FBXL13: variants seen among roughly 807,000 people sequenced by gnomAD.
The protein encoded by FBXL13 is F-box and leucine-rich repeat protein 13.
In FBXL13, 67 loss-of-function variants were observed where a neutral mutation model predicts 83.6. The ratio of observed to expected loss-of-function variants is 0.80; its 90% CI spans 0.66 to 0.98. FBXL13 has a LOEUF of 0.98. Ranked by LOEUF, FBXL13 falls within the 50% of genes least tolerant of loss-of-function variation. The pLI, the probability that FBXL13 is intolerant of heterozygous loss-of-function variation, is 0.00. For missense variants in FBXL13, 822 were observed against 866.5 expected (o/e 0.95, Z 0.64); for synonymous variants, 272 against 299.5 (o/e 0.91, Z 0.95).
In FBXL13 at chr7:103,029,420, TA is replaced by T; in HGVS notation, c.1-3del. The T allele has an allele frequency of 6.9e-7, 1 of 1,448,458 alleles. No individual in the cohort carries two copies. The highest frequency in any genetic ancestry group is 9.3e-7 in the Non-Finnish European group (1 of 1,072,552). The allele number at this position is 1,448,458 out of a possible 1,614,324, so 89.7% of individuals were successfully genotyped here. On this transcript the variant is annotated splice_region_variant and splice_polypyrimidine_tract_variant and intron_variant, in intron 2 of 19. Coordinates refer to ENST00000313221, the Ensembl canonical transcript of FBXL13. ...TTTTATCATCAATTCCGGAGTCATC[TA>T]AAGTAAATAAATAATTGAAATAACA...
intron 10 of FBXL13, among the ~76,000 whole-genome samples, chr7:102,923,333 C>T (rs536960287): frequency 1.1e-4 from 16 of 152,142 alleles, no homozygotes; most frequent in Admixed American, 2.6e-4. Flanking sequence ...TGATGTTTTC[C>T]GTGGTATAGA....
intron 6 of FBXL13, among the ~76,000 whole-genome samples, chr7:102,983,421 CCTT>C (rs1828515359): frequency 2.8e-5 from 4 of 145,426 alleles, no homozygotes; most frequent in East Asian, 2.0e-4. Flanking sequence ...TCTTTTTTCC[CCTT>C]TTTTTTTTTT....
intron 10 of FBXL13, among the ~76,000 whole-genome samples, chr7:102,922,091 G>T (rs1334405896): frequency 6.6e-6 from 1 of 152,006 alleles, no homozygotes; most frequent in Non-Finnish European, 1.5e-5. Flanking sequence ...TCAGGAGGCT[G>T]AGGCAGGAGA....
intron 6 of FBXL13, among the ~76,000 whole-genome samples, chr7:102,972,293 A>ATT (rs1471384925): frequency 2.6e-5 from 4 of 152,218 alleles, no homozygotes; most frequent in Non-Finnish European, 5.9e-5. Flanking sequence ...CAGAGAGAGT[A>ATT]ATCAAGAGTT....
At chr7:102,875,658 TGAG>T (rs749798092) in intron 16 of FBXL13, among the ~76,000 whole-genome samples, 4 of 151,968 alleles carry the variant, frequency 2.6e-5, no homozygotes, top group South Asian at 2.1e-4. Flanking sequence ...CATGCAAAAC[TGAG>T]GAGATTTAAT....
At chr7:102,821,585 A>G (rs1021743922) in intron 19 of FBXL13, among the ~76,000 whole-genome samples, 1 of 152,214 alleles carries the variant, frequency 6.6e-6, no homozygotes, top group African/African-American at 2.4e-5. Flanking sequence ...CTTACCTTCT[A>G]TGTCAGGGAA....
At chr7:102,962,475 A>G (rs188712811) in intron 8 of FBXL13, among the ~76,000 whole-genome samples, 145 of 152,330 alleles carry the variant, frequency 9.5e-4, no homozygotes, top group Admixed American at 7.8e-3. Flanking sequence ...CAGCCATCCC[A>G]TTACTGAGTA....
chr7:102,846,119 T>G (rs1005173714), intron 17 of FBXL13, among the ~76,000 whole-genome samples: 7 of 152,174 alleles, frequency 4.6e-5, no homozygotes, highest in African/African-American at 1.7e-4. Flanking sequence ...TAAATTGATA[T>G]TAGCTGACAA....
At chr7:103,073,075 A>G (rs1001013785) in intron 1 of FBXL13, among the ~76,000 whole-genome samples, 1 of 152,234 alleles carries the variant, frequency 6.6e-6, no homozygotes, top group African/African-American at 2.4e-5. Context: ...TCACTGTAAT[A>G]AATTAAAACA....
intron 6 of FBXL13, among the ~76,000 whole-genome samples, chr7:102,979,286 T>C (rs1421276125): frequency 1.3e-5 from 2 of 152,226 alleles, no homozygotes; most frequent in African/African-American, 4.8e-5. Context: ...CTTGGAGACA[T>C]GTCTAGGTCA....
chr7:103,035,825 A>T (rs1034581795), intron 2 of FBXL13, among the ~76,000 whole-genome samples: 5 of 152,212 alleles, frequency 3.3e-5, no homozygotes, highest in Non-Finnish European at 7.3e-5. Flanking sequence ...ATTATATATG[A>T]AATTGTCTTA....
At chr7:103,000,841 C>T (rs1214605048) in intron 6 of FBXL13, among the ~76,000 whole-genome samples, 1 of 152,134 alleles carries the variant, frequency 6.6e-6, no homozygotes, top group Admixed American at 6.5e-5. Flanking sequence ...ATACAGTGAC[C>T]TTCTTTGTCT....
intron 6 of FBXL13, among the ~76,000 whole-genome samples, chr7:102,980,746 C>T (rs1177752066): frequency 2.0e-5 from 3 of 151,652 alleles, no homozygotes; most frequent in Admixed American, 2.0e-4. Context: ...CACTGCACTC[C>T]AGCCTGGGCG....
chr7:102,970,104 A>T (rs1253418127), intron 6 of FBXL13, among the ~76,000 whole-genome samples: 21 of 152,028 alleles, frequency 1.4e-4, no homozygotes, highest in Non-Finnish European at 1.5e-5. Flanking sequence ...TTTAAAAATT[A>T]GTCATATATG....
At chr7:102,887,287 C>T (rs1368723842) in intron 11 of FBXL13, among the ~76,000 whole-genome samples, 3 of 152,246 alleles carry the variant, frequency 2.0e-5, no homozygotes, top group African/African-American at 7.2e-5. Context: ...GATTTACACA[C>T]AGACATGACA....
intron 1 of FBXL13, among the ~76,000 whole-genome samples, chr7:103,058,086 C>T (rs1797506954): frequency 6.6e-6 from 1 of 152,110 alleles, no homozygotes; most frequent in African/African-American, 2.4e-5. Context: ...TCATACTGTT[C>T]CTCCAAAACT....
chr7:102,813,171 C>T, downstream of FBXL13: 1 of 661,392 alleles, frequency 1.5e-6, no homozygotes, highest in Non-Finnish European at 2.5e-6. Context: ...ATTATTTAGA[C>T]AGAAGAACTA....
At chr7:102,973,808 C>A (rs1827078720) in intron 6 of FBXL13, 1 of 730,884 alleles carries the variant, frequency 1.4e-6, no homozygotes, top group African/African-American at 1.7e-5. Context: ...AAGGAAAAAT[C>A]CATACAGCCT....
chr7:102,843,482 T>G (rs1476418574), intron 17 of FBXL13, among the ~76,000 whole-genome samples: 3 of 151,884 alleles, frequency 2.0e-5, no homozygotes, highest in African/African-American at 7.3e-5. Context: ...CTGCCACAGC[T>G]TTTAAAGAAA....
Sources: allele counts gnomAD v4.1 joint callset (sites outside exome capture counted in the v4.1 genomes callset), GRCh38; gene constraint gnomAD v4.1.1; transcripts MANE v1.5; gene names NCBI Gene and HGNC (gene_info 2026-07-23, HGNC 2026-07-21).